The following NBAS variants were observed in gnomAD, a reference collection of about 807,000 sequenced individuals.
NBAS encodes the protein NAG/BC035112 fusion.
A neutral mutation model predicts 302.5 loss-of-function variants in NBAS; 219 were observed. That is an observed-to-expected ratio of 0.72 (90% CI 0.65 to 0.81). The LOEUF is 0.81. Ranked by LOEUF, NBAS falls within the 30% of genes least tolerant of loss-of-function variation. The pLI is 0.00. For synonymous variants in NBAS, 1,118 were observed against 1,021.6 expected, an observed-to-expected ratio of 1.09 and a Z score of -1.80; for missense variants, 2,932 against 2,841.6, an observed-to-expected ratio of 1.03 and a Z score of -0.72.
At chr2:15,557,429 T>C (rs928976410) in intron 2 of NBAS, among the ~76,000 whole-genome samples, 4 of 152,218 alleles carry the variant, frequency 2.6e-5, no homozygotes, top group Admixed American at 2.6e-4. Flanking sequence ...TAGTTATCTA[T>C]AGTGTCTGTA....
chr2:15,544,058 G>C (rs1262404265), intron 6 of NBAS, among the ~76,000 whole-genome samples: 1 of 152,122 alleles, frequency 6.6e-6, no homozygotes, highest in Non-Finnish European at 1.5e-5. Context: ...CTGGGTTCTT[G>C]TCTCAGTGCT....
At chr2:15,175,028 C>A (rs937064274) in intron 51 of NBAS, among the ~76,000 whole-genome samples, 2 of 152,024 alleles carry the variant, frequency 1.3e-5, no homozygotes, top group Non-Finnish European at 2.9e-5. Flanking sequence ...AGTGCAGTGG[C>A]GCGATCTCAG....
chr2:15,091,666 G>T, the NBAS span, among the ~76,000 whole-genome samples: 2 of 151,918 alleles, frequency 1.3e-5, no homozygotes, highest in Non-Finnish European at 2.9e-5. Context: ...CAGAGTAGCT[G>T]GGATTACAGG....
chr2:14,931,754 T>G, the NBAS span, among the ~76,000 whole-genome samples: 2 of 152,204 alleles, frequency 1.3e-5, no homozygotes, highest in Non-Finnish European at 2.9e-5. Context: ...GGATTCCACC[T>G]GATCCATGTG....
chr2:15,068,287 A>G, the NBAS span, among the ~76,000 whole-genome samples: 1 of 152,116 alleles, frequency 6.6e-6, no homozygotes. Flanking sequence ...ATGTGGGGGG[A>G]AACATCTGTC....
At position 15,308,183 on chromosome 2, in the gene NBAS, C is replaced by T. The variant is rs148175161; in HGVS notation, c.4797+33G>A. On this transcript the variant is annotated intron_variant, in intron 40 of 51. Transcript: ENST00000281513. ...GTATTTTAGAAAAGGCTTAACTCTGCTCAATAATAAGCTGGAAATCATGAA... is the reference window on the plus strand; with the variant it reads ...GTATTTTAGAAAAGGCTTAACTCTGTTCAATAATAAGCTGGAAATCATGAA... 7.7e-5 allele frequency: 124 copies of T among 1,613,924 alleles called. No individual in the cohort carries two copies. The African/African-American group carries it at 1.4e-3, about 19-fold the overall frequency.
At chr2:15,289,254 TTTTGTTTGTTTTTG>T (rs1212264241) in intron 41 of NBAS, among the ~76,000 whole-genome samples, 1 of 152,016 alleles carries the variant, frequency 6.6e-6, no homozygotes, top group East Asian at 1.9e-4. Context: ...ACACCTAGTT[TTTTGTTTGTTTTTG>T]TTTTTGTTTT....
intron 25 of NBAS, among the ~76,000 whole-genome samples, chr2:15,412,993 C>T (rs1235296839): frequency 6.6e-6 from 1 of 152,246 alleles, no homozygotes; most frequent in African/African-American, 2.4e-5. Context: ...GCAACTGACA[C>T]TTACCAGTCA....
chr2:15,409,898 T>C (rs1676599946), intron 25 of NBAS, among the ~76,000 whole-genome samples: 1 of 152,222 alleles, frequency 6.6e-6, no homozygotes, highest in Admixed American at 6.5e-5. Context: ...AGGTTTTGCT[T>C]TTGCTGCTAC....
the NBAS span, among the ~76,000 whole-genome samples, chr2:14,812,828 T>A: frequency 6.6e-6 from 1 of 152,198 alleles, no homozygotes; most frequent in East Asian, 1.9e-4. Context: ...AAATCGCGTG[T>A]TGATTTGTGA....
At chr2:15,042,624 A>G in the NBAS span, among the ~76,000 whole-genome samples, 1 of 152,146 alleles carries the variant, frequency 6.6e-6, no homozygotes, top group African/African-American at 2.4e-5. Context: ...TGTGTTCTCA[A>G]TGAGAGATGA....
intron 48 of NBAS, among the ~76,000 whole-genome samples, chr2:15,215,421 T>C (rs1383463830): frequency 6.6e-6 from 1 of 152,212 alleles, no homozygotes; most frequent in African/African-American, 2.4e-5. Flanking sequence ...TAATTAAATA[T>C]TAAGTCTCTC....
chr2:15,036,468 T>C, the NBAS span, among the ~76,000 whole-genome samples: 3 of 152,264 alleles, frequency 2.0e-5, no homozygotes, highest in East Asian at 5.8e-4. Flanking sequence ...CAAGATCACA[T>C]CGGTAATATG....
chr2:14,868,064 T>G, the NBAS span, among the ~76,000 whole-genome samples: 1 of 152,168 alleles, frequency 6.6e-6, no homozygotes, highest in Non-Finnish European at 1.5e-5. Flanking sequence ...GGGCCAGACA[T>G]TGTTGTGTAT....
chr2:15,509,201 T>C (rs999495957), intron 10 of NBAS, among the ~76,000 whole-genome samples: 10 of 152,194 alleles, frequency 6.6e-5, no homozygotes, highest in African/African-American at 1.9e-4. Context: ...GCCACTGATA[T>C]GGACAGAATT....
intron 11 of NBAS, among the ~76,000 whole-genome samples, chr2:15,498,171 C>T (rs1392741430): frequency 2.6e-5 from 4 of 152,154 alleles, no homozygotes; most frequent in African/African-American, 7.2e-5. Context: ...GTTATTTCAA[C>T]TTTCCTCTCT....
intron 16 of NBAS, among the ~76,000 whole-genome samples, chr2:15,472,119 T>G (rs1679985949): frequency 1.3e-5 from 2 of 152,168 alleles, no homozygotes; most frequent in Admixed American, 1.3e-4. Flanking sequence ...AAATTTCCCC[T>G]CAAAGCCAGC....
the NBAS span, among the ~76,000 whole-genome samples, chr2:15,087,579 G>A: frequency 2.6e-5 from 4 of 152,184 alleles, no homozygotes; most frequent in African/African-American, 9.7e-5. Context: ...CAGAGAACTC[G>A]TCAGCTGGTC....
chr2:14,926,484 TG>T, the NBAS span, among the ~76,000 whole-genome samples: 29,891 of 152,110 alleles, frequency 0.2, 3,133 homozygotes, highest in African/African-American at 0.26. Context: ...TCATTTCAGC[TG>T]GTACTTGTGT....
Sources: gnomAD v4.1 joint callset for allele counts (sites outside exome capture counted in the v4.1 genomes callset) on GRCh38, gnomAD v4.1.1 for gene constraint, MANE v1.5 for transcripts, NCBI Gene and HGNC (gene_info 2026-07-23, HGNC 2026-07-21) for gene names.